The following PCNX2 variants were observed in gnomAD, a reference collection of about 807,000 sequenced individuals.
PCNX2 encodes pecanex-like protein 2.
PCNX2 carries 168 observed loss-of-function variants against 223.8 expected under a neutral mutation model. The observed-to-expected ratio is 0.75, with a 90% CI of 0.66 to 0.85. The LOEUF is 0.85. Among genes scored for constraint, PCNX2 ranks in the 40% least tolerant of loss-of-function variants. The pLI is 0.00. For synonymous variants in PCNX2, 1,006 were observed against 1,052.6 expected (o/e 0.96, Z 0.86); for missense variants, 2,507 against 2,675.5 (o/e 0.94, Z 1.39).
rs758118854 is a variant in PCNX2, at chr1:233,259,290, C to T, written c.572G>A (p.Gly191Asp). 1 of 1,613,826 alleles carries T rather than the reference C, an allele frequency of 6.2e-7. No homozygotes were observed. The highest frequency in any genetic ancestry group is 2.2e-5 in the East Asian group (1 of 44,854). Residue 191 changes from glycine (G) to aspartate (D), a missense_variant, in exon 5 of 34, where the codon GGT becomes GAT. This residue lies in a region of PCNX2 where 1,031 missense variants were observed against 1,021.7 expected (regional missense o/e 1.01). Coordinates refer to ENST00000258229, the MANE Select transcript of PCNX2 (RefSeq NM_014801.4). Reference sequence around the variant, plus strand: ...CGCAGGTAAGCTTTCCACTTTGATACCAGGTGAGGTAGATGACACTGGTGC... The same window carrying T: ...CGCAGGTAAGCTTTCCACTTTGATATCAGGTGAGGTAGATGACACTGGTGC... ...PIAPVSSTSP[G>D]IKVESLPASQ... is the part of the protein sequence containing the mutation.
intron 25 of PCNX2, among the ~76,000 whole-genome samples, chr1:233,051,461 T>C (rs770024711): frequency 2.6e-5 from 4 of 152,098 alleles, no homozygotes; most frequent in African/African-American, 9.7e-5. Context: ...CCATCAACAG[T>C]AGACTGGATA....
At chr1:233,208,307 C>A (rs1037496700) in intron 13 of PCNX2, among the ~76,000 whole-genome samples, 2 of 152,202 alleles carry the variant, frequency 1.3e-5, no homozygotes, top group Non-Finnish European at 2.9e-5. Context: ...ACTTCTTGGT[C>A]ATAAATATCA....
At chr1:233,267,778 T>A (rs1660420123) in intron 1 of PCNX2, among the ~76,000 whole-genome samples, 1 of 152,198 alleles carries the variant, frequency 6.6e-6, no homozygotes, top group Non-Finnish European at 1.5e-5. Context: ...TTGGTGGACA[T>A]TTGGGTTCCA....
rs796674630 is a variant in PCNX2 at position 233,110,163 on chromosome 1, T to C, written c.3838-14300A>G. On this transcript the variant is annotated intron_variant, in intron 21 of 33. Transcript: ENST00000258229. ...ATAAATATACAAATGAACAAATGAATAAATAAACAAACAACAAAAACCATA... is the reference window on the plus strand; with the variant it reads ...ATAAATATACAAATGAACAAATGAACAAATAAACAAACAACAAAAACCATA... 2.0e-5 allele frequency among the ~76,000 whole-genome samples: 3 copies of C among 151,688 alleles called. No homozygotes were observed. The South Asian group carries it at 6.3e-4, about 32-fold the overall frequency.
chr1:232,998,469 T>G, intron 31 of PCNX2, 31 bp from the exon 32 acceptor site: 1 of 1,600,066 alleles, frequency 6.2e-7, no homozygotes, highest in Non-Finnish European at 8.5e-7. Flanking sequence ...TTGAGGATTC[T>G]CAGCAACACA....
chr1:232,995,407 G>T (rs1018169776), intron 32 of PCNX2, among the ~76,000 whole-genome samples: 2 of 152,212 alleles, frequency 1.3e-5, no homozygotes, highest in African/African-American at 4.8e-5. Flanking sequence ...GGCCTTGGCA[G>T]GAAGTTTTAA....
At chr1:233,248,106 C>G (rs1306329515) in intron 8 of PCNX2, among the ~76,000 whole-genome samples, 7 of 152,140 alleles carry the variant, frequency 4.6e-5, no homozygotes, top group Non-Finnish European at 7.3e-5. Context: ...AGATTTTCTT[C>G]AAGGGGAAAG....
chr1:233,135,853 T>C (rs1676772263), intron 20 of PCNX2, among the ~76,000 whole-genome samples: 1 of 152,208 alleles, frequency 6.6e-6, no homozygotes, highest in South Asian at 2.1e-4. Context: ...TCAATGTGTT[T>C]TTCCCCCATA....
intron 21 of PCNX2, among the ~76,000 whole-genome samples, chr1:233,133,974 C>T (rs1339243451): frequency 6.6e-6 from 1 of 151,516 alleles, no homozygotes. Flanking sequence ...ATTTTTGTTA[C>T]CTAAGAGAAT....
At chr1:233,074,230 T>C (rs967378469) in intron 23 of PCNX2, among the ~76,000 whole-genome samples, 2 of 152,038 alleles carry the variant, frequency 1.3e-5, no homozygotes, top group South Asian at 4.1e-4. Context: ...GATGGTCCAT[T>C]GTGGAGAATA....
At chr1:233,247,636 TG>T (rs1659200868) in intron 8 of PCNX2, among the ~76,000 whole-genome samples, 1 of 151,980 alleles carries the variant, frequency 6.6e-6, no homozygotes, top group African/African-American at 2.4e-5. Flanking sequence ...CCCAACACTT[TG>T]GGAGGCCAAG....
chr1:233,307,966 G>A, the PCNX2 span, among the ~76,000 whole-genome samples: 3 of 152,166 alleles, frequency 2.0e-5, no homozygotes, highest in African/African-American at 7.2e-5. Context: ...GAGTCTTCTT[G>A]GAACAGGTCA....
At chr1:233,159,229 T>C (rs561703853) in intron 19 of PCNX2, among the ~76,000 whole-genome samples, 1 of 152,284 alleles carries the variant, frequency 6.6e-6, no homozygotes, top group South Asian at 2.1e-4. Context: ...TTGGGCTGTT[T>C]CTAACTAAGG....
intron 15 of PCNX2, among the ~76,000 whole-genome samples, chr1:233,185,128 CACAT>C (rs1463983736): frequency 1.6e-4 from 21 of 132,538 alleles, no homozygotes; most frequent in Admixed American, 3.1e-4. Context: ...CACACACACA[CACAT>C]CCCTCAGATT....
At chr1:233,266,599 A>T (rs36030979) in intron 1 of PCNX2, among the ~76,000 whole-genome samples, 1 of 152,014 alleles carries the variant, frequency 6.6e-6, no homozygotes. Flanking sequence ...CAGAGAAAGA[A>T]GGCTTAGGAA....
chr1:233,089,346 T>G (rs549044169), intron 23 of PCNX2, among the ~76,000 whole-genome samples: 181 of 152,054 alleles, frequency 1.2e-3, no homozygotes, highest in Non-Finnish European at 2.0e-3. Context: ...AATGCAAAGG[T>G]CTCTGTCCCA....
chr1:233,153,879 T>C (rs945292207), intron 19 of PCNX2, among the ~76,000 whole-genome samples: 2 of 152,214 alleles, frequency 1.3e-5, no homozygotes, highest in Non-Finnish European at 2.9e-5. Flanking sequence ...AAATACATTA[T>C]AAAAAGCAAG....
the PCNX2 span, among the ~76,000 whole-genome samples, chr1:233,304,728 A>C: frequency 2.6e-5 from 4 of 152,184 alleles, no homozygotes; most frequent in Admixed American, 6.5e-5. Context: ...GTAAAATAAA[A>C]TACGTTATTG....
chr1:233,083,406 G>A (rs568470064), intron 23 of PCNX2, among the ~76,000 whole-genome samples: 4 of 152,280 alleles, frequency 2.6e-5, no homozygotes, highest in Admixed American at 6.5e-5. Context: ...ACAAGGAGCC[G>A]ATTCAACTCA....
Sources: allele counts gnomAD v4.1 joint callset (sites outside exome capture counted in the v4.1 genomes callset), GRCh38; gene constraint gnomAD v4.1.1; regional missense constraint gnomAD v4.1.1; transcripts MANE v1.5; gene names NCBI Gene and HGNC (gene_info 2026-07-23, HGNC 2026-07-21).